Variants in OR2L13 observed in about 807,000 individuals in gnomAD.
The protein encoded by OR2L13 is olfactory receptor family 2 subfamily L member 13.
In OR2L13, 14 loss-of-function variants were observed where a neutral mutation model predicts 15.3. The ratio of observed to expected loss-of-function variants is 0.91; its 90% CI spans 0.60 to 1.43. The LOEUF (loss-of-function observed/expected upper bound fraction) is 1.43. OR2L13 is among the 40% of genes most tolerant of loss of function. OR2L13 has a pLI of 0.00. For missense variants in OR2L13, 367 were observed against 387.9 expected, an observed-to-expected ratio of 0.95 and a Z score of 0.45; for synonymous variants, 152 against 142.9, an observed-to-expected ratio of 1.06 and a Z score of -0.45.
the OR2L13 span, among the ~76,000 whole-genome samples, chr1:248,006,430 T>C: frequency 6.6e-6 from 1 of 151,850 alleles, no homozygotes; most frequent in African/African-American, 2.4e-5. Flanking sequence ...AAAGATGAAA[T>C]GATTGAAACT....
At chr1:248,057,695 TG>T in the OR2L13 span, among the ~76,000 whole-genome samples, 2 of 152,180 alleles carry the variant, frequency 1.3e-5, no homozygotes, top group African/African-American at 4.8e-5. Flanking sequence ...TCATTTTCAA[TG>T]TATAAAGTTT....
chr1:247,958,892 A>G, the OR2L13 span, among the ~76,000 whole-genome samples: 4 of 152,126 alleles, frequency 2.6e-5, no homozygotes, highest in Admixed American at 6.5e-5. Flanking sequence ...TTGACTCTTT[A>G]TCCAATGTGC....
At chr1:248,064,143 C>G in the OR2L13 span, among the ~76,000 whole-genome samples, 19,273 of 152,184 alleles carry the variant, frequency 0.13, 4,061 homozygotes, top group African/African-American at 0.44. Context: ...CTGGGTGTTG[C>G]TATCCTCCCA....
At chr1:248,057,284 GTC>G in the OR2L13 span, among the ~76,000 whole-genome samples, 275 of 152,152 alleles carry the variant, frequency 1.8e-3, 1 homozygote, top group Admixed American at 5.0e-3. Context: ...CTCTTTGTAG[GTC>G]TCTAGGAACT....
chr1:248,031,554 G>A, the OR2L13 span, among the ~76,000 whole-genome samples: 1 of 152,212 alleles, frequency 6.6e-6, no homozygotes, highest in East Asian at 1.9e-4. Context: ...ATGGGGTCCA[G>A]TGACTTGCTT....
chr1:247,971,750 A>C, the OR2L13 span, among the ~76,000 whole-genome samples: 1 of 152,192 alleles, frequency 6.6e-6, no homozygotes, highest in Admixed American at 6.6e-5. Flanking sequence ...ACTGGAACTC[A>C]GCTCTGGACC....
chr1:247,941,169 T>G, the OR2L13 span, among the ~76,000 whole-genome samples: 1 of 152,198 alleles, frequency 6.6e-6, no homozygotes, highest in Non-Finnish European at 1.5e-5. Context: ...ATGCTTAGTT[T>G]GCAAATATTA....
the OR2L13 span, among the ~76,000 whole-genome samples, chr1:247,942,804 C>T: frequency 2.0e-5 from 3 of 152,018 alleles, no homozygotes; most frequent in Non-Finnish European, 2.9e-5. Context: ...GTGCAATCAT[C>T]CCTATCGTGC....
At chr1:247,961,442 G>A in the OR2L13 span, among the ~76,000 whole-genome samples, 1 of 152,162 alleles carries the variant, frequency 6.6e-6, no homozygotes, top group East Asian at 1.9e-4. Context: ...GGAATGTAAT[G>A]ATAAGTAATC....
At chr1:248,099,653 T>G (rs748831039) in exon 3 of OR2L13, 3 of 1,614,144 alleles carry the variant, frequency 1.9e-6, no homozygotes, top group Non-Finnish European at 2.5e-6. Flanking sequence ...GGCATCTCCT[T>G]CCTGGGATGT....
At chr1:248,022,382 A>G in the OR2L13 span, 15 of 1,614,064 alleles carry the variant, frequency 9.3e-6, no homozygotes, top group African/African-American at 1.3e-5. Context: ...TGATGATAAC[A>G]GGATCTTGGA....
the OR2L13 span, among the ~76,000 whole-genome samples, chr1:248,026,182 A>G: frequency 1.2e-4 from 18 of 152,210 alleles, no homozygotes; most frequent in Admixed American, 1.3e-4. Flanking sequence ...CCACAAATCT[A>G]GCATTGTTTT....
chr1:247,971,045 G>A, the OR2L13 span, among the ~76,000 whole-genome samples: 11 of 152,224 alleles, frequency 7.2e-5, no homozygotes, highest in South Asian at 2.3e-3. Context: ...AAATTTGGCA[G>A]CTTTAAAGAG....
At chr1:247,949,929 G>A in the OR2L13 span, 2 of 584,758 alleles carry the variant, frequency 3.4e-6, no homozygotes, top group East Asian at 3.0e-5. Context: ...ACTGATATAT[G>A]GACAAAATTG....
the OR2L13 span, chr1:248,003,620 C>T: frequency 6.2e-7 from 1 of 1,611,378 alleles, no homozygotes; most frequent in Non-Finnish European, 8.5e-7. Flanking sequence ...ATATATACTC[C>T]ATATTCCTTA....
chr1:247,955,097 C>G, the OR2L13 span, among the ~76,000 whole-genome samples: 4 of 151,844 alleles, frequency 2.6e-5, no homozygotes, highest in Non-Finnish European at 5.9e-5. Context: ...ATCCCTCCCC[C>G]CTTCCCCCAC....
chr1:247,989,602 G>A, the OR2L13 span, among the ~76,000 whole-genome samples: 1 of 152,102 alleles, frequency 6.6e-6, no homozygotes, highest in African/African-American at 2.4e-5. Context: ...ATTTCTGGGT[G>A]ACAAAATAAG....
chr1:247,987,078 C>G, the OR2L13 span, among the ~76,000 whole-genome samples: 1 of 150,992 alleles, frequency 6.6e-6, no homozygotes, highest in Non-Finnish European at 1.5e-5. Flanking sequence ...AATAAAATCA[C>G]AATCTCTTTC....
the OR2L13 span, among the ~76,000 whole-genome samples, chr1:247,945,626 G>A: frequency 6.6e-6 from 1 of 152,180 alleles, no homozygotes; most frequent in Non-Finnish European, 1.5e-5. Flanking sequence ...TTGTGTGGGA[G>A]TCTAAGACTC....
Sources: allele counts gnomAD v4.1 joint callset (sites outside exome capture counted in the v4.1 genomes callset), GRCh38; gene constraint gnomAD v4.1.1; transcripts MANE v1.5; gene names NCBI Gene and HGNC (gene_info 2026-07-23, HGNC 2026-07-21).